The following MALRD1 variants were observed in gnomAD, a reference collection of about 807,000 sequenced individuals.
MALRD1 encodes the protein MAM and LDL receptor class A domain containing 1, also known as MAM and LDL-receptor class A domain-containing protein 1.
Under a neutral mutation model 242.1 loss-of-function variants are expected in MALRD1, and 247 were observed. That is an observed-to-expected ratio of 1.02 (90% CI 0.92 to 1.13). MALRD1 has a LOEUF of 1.13. Among genes scored for constraint, MALRD1 ranks in the 50% most tolerant of loss-of-function variants. The pLI, the probability that MALRD1 is intolerant of heterozygous loss-of-function variation, is 0.00. For missense variants in MALRD1, 2,989 were observed against 2,533.1 expected, an observed-to-expected ratio of 1.18 and a Z score of -3.86; for synonymous variants, 995 against 866.6, an observed-to-expected ratio of 1.15 and a Z score of -2.60.
At chr10:19,122,158 A>C (rs1051981911) in intron 5 of MALRD1, among the ~76,000 whole-genome samples, 15 of 152,160 alleles carry the variant, frequency 9.9e-5, no homozygotes, top group Admixed American at 8.5e-4. Flanking sequence ...ATCTCTAATA[A>C]AGGAAATGAA....
chr10:19,523,188 C>T (rs547545913), intron 31 of MALRD1, among the ~76,000 whole-genome samples: 2 of 152,258 alleles, frequency 1.3e-5, no homozygotes, highest in East Asian at 1.9e-4. Context: ...AGGTCACATA[C>T]CTAATAAGTG....
chr10:19,324,727 T>C (rs1843046228), intron 22 of MALRD1, among the ~76,000 whole-genome samples: 2 of 151,912 alleles, frequency 1.3e-5, no homozygotes, highest in African/African-American at 4.8e-5. Flanking sequence ...TAATTCCTTA[T>C]CTTCCCTAGG....
intron 38 of MALRD1, among the ~76,000 whole-genome samples, chr10:19,702,478 A>G (rs527850234): frequency 6.6e-6 from 1 of 152,336 alleles, no homozygotes; most frequent in Admixed American, 6.5e-5. Context: ...TCATGTTGTA[A>G]CAGCTATTTC....
chr10:19,467,392 C>CAA (rs71387079), intron 29 of MALRD1, among the ~76,000 whole-genome samples: 3,055 of 53,710 alleles, frequency 0.057, 294 homozygotes, highest in African/African-American at 0.06. Flanking sequence ...GACTCCGTCT[C>CAA]AAAAAAAAAA....
chr10:19,200,655 T>G (rs1394056633), intron 14 of MALRD1, among the ~76,000 whole-genome samples: 2 of 143,540 alleles, frequency 1.4e-5, no homozygotes, highest in African/African-American at 2.7e-5. Context: ...GTTTTTTTTT[T>G]TTTTTTTTTT....
At chr10:19,584,229 T>C (rs1837278757) in intron 33 of MALRD1, among the ~76,000 whole-genome samples, 1 of 152,142 alleles carries the variant, frequency 6.6e-6, no homozygotes, top group African/African-American at 2.4e-5. Flanking sequence ...TTTCCTTCAG[T>C]TCTGCTCTGA....
intron 20 of MALRD1, among the ~76,000 whole-genome samples, chr10:19,281,448 A>T (rs1431842726): frequency 2.0e-5 from 3 of 152,210 alleles, no homozygotes; most frequent in Admixed American, 6.5e-5. Flanking sequence ...TTATGATTAG[A>T]GGGGAAGTTT....
At chr10:19,726,441 T>C (rs1229150258) in intron 38 of MALRD1, among the ~76,000 whole-genome samples, 1 of 151,952 alleles carries the variant, frequency 6.6e-6, no homozygotes, top group African/African-American at 2.4e-5. Context: ...ATTTAAAAAC[T>C]GAAAATAACA....
intron 38 of MALRD1, among the ~76,000 whole-genome samples, chr10:19,718,491 A>C (rs1834524751): frequency 6.6e-6 from 1 of 152,194 alleles, no homozygotes; most frequent in Admixed American, 6.5e-5. Context: ...ACTCAACGCA[A>C]GAACTCACTC....
intron 10 of MALRD1, among the ~76,000 whole-genome samples, chr10:19,145,677 AG>A (rs1274965479): frequency 2.0e-5 from 3 of 151,628 alleles, no homozygotes; most frequent in Middle Eastern, 3.4e-3. Context: ...AAAAGACAAA[AG>A]ATAACACCAG....
chr10:19,458,505 G>A (rs1226108152), intron 29 of MALRD1, among the ~76,000 whole-genome samples: 1 of 152,104 alleles, frequency 6.6e-6, no homozygotes, highest in Non-Finnish European at 1.5e-5. Flanking sequence ...GGTAAGAATG[G>A]TGACATCTTT....
intron 36 of MALRD1, among the ~76,000 whole-genome samples, chr10:19,629,601 G>A (rs918121939): frequency 4.6e-5 from 7 of 152,164 alleles, no homozygotes; most frequent in African/African-American, 1.7e-4. Context: ...TGGGGTAGCC[G>A]TTGGTTGAAA....
intron 38 of MALRD1, among the ~76,000 whole-genome samples, chr10:19,726,701 T>G (rs79110303): frequency 0.016 from 2,503 of 152,298 alleles, 68 homozygotes; most frequent in African/African-American, 0.056. Context: ...TACCCAAATT[T>G]CCATCAACAG....
chr10:19,312,576 A>G (rs1255113272), intron 21 of MALRD1, among the ~76,000 whole-genome samples: 3 of 151,298 alleles, frequency 2.0e-5, no homozygotes, highest in African/African-American at 7.3e-5. Flanking sequence ...AATTTTAAAC[A>G]CAAGATACTT....
chr10:19,720,680 T>G (rs1399453348), intron 38 of MALRD1, among the ~76,000 whole-genome samples: 2 of 152,202 alleles, frequency 1.3e-5, no homozygotes, highest in African/African-American at 2.4e-5. Flanking sequence ...TACTTCGTAT[T>G]TGTTTTATGT....
intron 28 of MALRD1, among the ~76,000 whole-genome samples, chr10:19,415,467 T>A (rs1368782570): frequency 6.6e-6 from 1 of 152,194 alleles, no homozygotes; most frequent in East Asian, 1.9e-4. Flanking sequence ...AATAATGTGT[T>A]ATTGTACTAG....
rs1233182061 is a variant in MALRD1, at chr10:19,175,339, C to T, written c.1951+11C>T. 1 of 1,228,526 alleles carries T rather than the reference C, an allele frequency of 8.1e-7. No individual in the cohort carries two copies. The highest frequency in any genetic ancestry group is 1.0e-6 in the Non-Finnish European group (1 of 986,082). 76.1% of individuals were successfully genotyped at this position (1,228,526 alleles called of 1,614,324 possible). On this transcript the variant is annotated intron_variant, in intron 14 of 39. Coordinates refer to ENST00000454679, the MANE Select transcript of MALRD1 (RefSeq NM_001142308.3). ...GTACACAAAGCAAGTGTAAGTTTTT[C>T]CTTGTCGTTGTTGCTGTTTTAAACA... is the stretch of plus-strand genomic sequence containing the variant.
intron 5 of MALRD1, among the ~76,000 whole-genome samples, chr10:19,113,323 C>T (rs1380906868): frequency 6.6e-6 from 1 of 152,116 alleles, no homozygotes; most frequent in African/African-American, 2.4e-5. Context: ...CCCAAGAATC[C>T]CATACTCTGG....
chr10:19,433,141 C>T (rs1223437008), intron 28 of MALRD1, among the ~76,000 whole-genome samples: 1 of 152,134 alleles, frequency 6.6e-6, no homozygotes, highest in African/African-American at 2.4e-5. Flanking sequence ...AGATATTTAT[C>T]AGGTTATCAT....
Sources: allele counts gnomAD v4.1 joint callset (sites outside exome capture counted in the v4.1 genomes callset), GRCh38; gene constraint gnomAD v4.1.1; transcripts MANE v1.5; gene names NCBI Gene and HGNC (gene_info 2026-07-23, HGNC 2026-07-21).